The following EPB41 variants were observed in gnomAD, a reference collection of about 807,000 sequenced individuals.
EPB41 encodes the protein erythrocyte membrane protein band 4.1, also known as protein 4.1.
EPB41 carries 65 observed loss-of-function variants against 108.0 expected under a neutral mutation model. The observed-to-expected ratio is 0.60, with a 90% CI of 0.49 to 0.74. The LOEUF is 0.74. Among genes scored for constraint, EPB41 ranks in the 30% least tolerant of loss-of-function variants. The pLI, the probability that EPB41 is intolerant of heterozygous loss-of-function variation, is 0.00. For synonymous variants in EPB41, 336 were observed against 358.9 expected, an observed-to-expected ratio of 0.94 and a Z score of 0.72; for missense variants, 875 against 1,037.0, an observed-to-expected ratio of 0.84 and a Z score of 2.15.
intron 16 of EPB41, among the ~76,000 whole-genome samples, chr1:29,080,287 T>C (rs1215818590): frequency 1.3e-5 from 2 of 151,840 alleles, no homozygotes; most frequent in Non-Finnish European, 2.9e-5. Flanking sequence ...CCCGGCTAAT[T>C]TTTGCATTTT....
chr1:28,990,188 C>T (rs1407015094), intron 2 of EPB41, among the ~76,000 whole-genome samples: 3 of 149,974 alleles, frequency 2.0e-5, no homozygotes, highest in Non-Finnish European at 3.0e-5. Context: ...GCCGAGATCA[C>T]GCCACTGCAC....
intron 2 of EPB41, among the ~76,000 whole-genome samples, chr1:28,988,340 A>G (rs763729494): frequency 1.3e-5 from 2 of 152,292 alleles, no homozygotes; most frequent in East Asian, 1.9e-4. Flanking sequence ...GATAAGTAGC[A>G]TCATAAAGCT....
intron 1 of EPB41, among the ~76,000 whole-genome samples, chr1:28,975,661 T>A (rs1406175866): frequency 1.3e-5 from 2 of 151,970 alleles, no homozygotes; most frequent in Non-Finnish European, 2.9e-5. Flanking sequence ...ACGTACACTC[T>A]GGAAAGAGTA....
At chr1:28,966,268 A>G (rs2149226645) in intron 1 of EPB41, among the ~76,000 whole-genome samples, 1 of 152,146 alleles carries the variant, frequency 6.6e-6, no homozygotes, top group Non-Finnish European at 1.5e-5. Flanking sequence ...TACCTTGGAT[A>G]TGTAAGTAAG....
chr1:29,106,652 C>T (rs1667288204), intron 17 of EPB41, among the ~76,000 whole-genome samples: 1 of 142,022 alleles, frequency 7.0e-6, no homozygotes, highest in African/African-American at 2.6e-5. Flanking sequence ...TGGCTCACTG[C>T]AACCTCCACC....
At chr1:28,933,557 C>T (rs1222512851) in intron 1 of EPB41, among the ~76,000 whole-genome samples, 1 of 152,114 alleles carries the variant, frequency 6.6e-6, no homozygotes. Flanking sequence ...CTAGGATGAC[C>T]AGGATTCAAT....
chr1:29,006,550 A>G (rs2096406176), intron 4 of EPB41, among the ~76,000 whole-genome samples: 1 of 151,950 alleles, frequency 6.6e-6, no homozygotes, highest in Non-Finnish European at 1.5e-5. Flanking sequence ...GAATTTTTTA[A>G]AAGTGAACAC....
At chr1:28,958,395 C>G (rs968174808) in intron 1 of EPB41, among the ~76,000 whole-genome samples, 30 of 151,772 alleles carry the variant, frequency 2.0e-4, no homozygotes. Flanking sequence ...TGGCAGTGAG[C>G]TGAGATTGCA....
rs553606109 is a variant in EPB41 at position 29,030,572 on chromosome 1, CATATA to C, written c.1212+89_1212+93del. On this transcript the variant is annotated intron_variant, in intron 8 of 20. Coordinates refer to ENST00000343067, the MANE Select transcript of EPB41 (RefSeq NM_001376013.1). ...TGTTATGTATGTATCACATCTGTGT[CATATA>C]ATACTTTTTAACAACATCTGGGGTA... 55 of 1,039,642 alleles carry C rather than the reference CATATA, an allele frequency of 5.3e-5. No homozygotes were observed. In the African/African-American group the frequency reaches 8.2e-4, roughly 16 times the overall value. 64.4% of individuals were successfully genotyped at this position (1,039,642 alleles called of 1,614,324 possible). A position where few individuals can be genotyped will look rare whatever the true frequency, so the allele number is the denominator to read the frequency against.
At chr1:28,914,006 G>C (rs141197813), upstream of EPB41, among the ~76,000 whole-genome samples, 2 of 152,324 alleles carry the variant, frequency 1.3e-5, no homozygotes, top group Non-Finnish European at 2.9e-5. Context: ...GCTGGCACGA[G>C]AGGTAAAGTC....
At chr1:28,951,361 TAC>T (rs58546363) in intron 1 of EPB41, among the ~76,000 whole-genome samples, 6,255 of 142,558 alleles carry the variant, frequency 0.044, 183 homozygotes, top group Middle Eastern at 0.099. Context: ...CCCTGTGTCT[TAC>T]ACACACACAC....
rs1023340955 is a variant in EPB41 at position 28,892,115 on chromosome 1, A to T, written c.-8+4905A>T. On this transcript the variant is annotated intron_variant, in intron 1 of 16. Transcript: ENST00000347529. ...TCTCAAAAAAAAAAAAAAAAAAAAA[A>T]GAATAACACCACCATTTATTGCACA... Among the ~76,000 whole-genome samples the T allele has an allele frequency of 2.4e-3, 364 of 150,844 alleles. 1 individual carries two copies. The highest frequency in any genetic ancestry group is 8.5e-3 in the African/African-American group (348 of 41,108).
At chr1:28,975,536 A>G (rs1301507800) in intron 1 of EPB41, among the ~76,000 whole-genome samples, 1 of 151,986 alleles carries the variant, frequency 6.6e-6, no homozygotes, top group East Asian at 1.9e-4. Flanking sequence ...CACTTTATCT[A>G]CTTCCTTACT....
chr1:28,972,987 C>T (rs1571709610), intron 1 of EPB41, among the ~76,000 whole-genome samples: 1 of 152,020 alleles, frequency 6.6e-6, no homozygotes, highest in Admixed American at 6.6e-5. Context: ...TTTAAATTAC[C>T]ATTTTCATCC....
At chr1:29,030,816 T>C (rs942463637) in intron 8 of EPB41, among the ~76,000 whole-genome samples, 2 of 151,798 alleles carry the variant, frequency 1.3e-5, no homozygotes, top group African/African-American at 4.8e-5. Flanking sequence ...CTTGTTAGCT[T>C]TTTTTTGTTT....
chr1:29,057,970 T>C (rs1645841451), intron 12 of EPB41, among the ~76,000 whole-genome samples: 1 of 152,246 alleles, frequency 6.6e-6, no homozygotes, highest in East Asian at 1.9e-4. Context: ...ATTTCATGTG[T>C]CAGTTACAAT....
intron 1 of EPB41, among the ~76,000 whole-genome samples, chr1:28,968,982 C>A (rs78326374): frequency 0.16 from 22,275 of 137,094 alleles, 2,424 homozygotes; most frequent in East Asian, 0.44. Flanking sequence ...CCCCACCCCC[C>A]AAAAAAAAAA....
At chr1:29,054,997 C>A (rs1645127058) in intron 12 of EPB41, among the ~76,000 whole-genome samples, 1 of 152,212 alleles carries the variant, frequency 6.6e-6, no homozygotes, top group Non-Finnish European at 1.5e-5. Context: ...CAGATCACAC[C>A]ACTGCACTCC....
intron 1 of EPB41, among the ~76,000 whole-genome samples, chr1:28,895,400 G>C (rs1043225745): frequency 6.6e-6 from 1 of 152,126 alleles, no homozygotes; most frequent in South Asian, 2.1e-4. Context: ...ATGGCACTGG[G>C]TAAGTCAAGT....
Sources: allele counts gnomAD v4.1 joint callset (sites outside exome capture counted in the v4.1 genomes callset), GRCh38; gene constraint gnomAD v4.1.1; transcripts MANE v1.5; gene names NCBI Gene and HGNC (gene_info 2026-07-23, HGNC 2026-07-21).